The following MGAT4C variants were observed in gnomAD, a reference collection of about 807,000 sequenced individuals.
MGAT4C encodes alpha-1,3-mannosyl-glycoprotein 4-beta-N-acetylglucosaminyltransferase C.
Under a neutral mutation model 40.1 loss-of-function variants are expected in MGAT4C, and 19 were observed. The observed-to-expected ratio is 0.47, with a 90% CI of 0.33 to 0.70. The LOEUF is 0.70. Ranked by LOEUF, MGAT4C falls within the 30% of genes least tolerant of loss-of-function variation. MGAT4C has a pLI of 0.02. For missense variants in MGAT4C, 491 were observed against 563.2 expected (o/e 0.87, Z 1.30); for synonymous variants, 181 against 187.1 (o/e 0.97, Z 0.27).
intron 1 of MGAT4C, among the ~76,000 whole-genome samples, chr12:86,169,429 AT>A (rs1886553302): frequency 6.6e-6 from 1 of 152,152 alleles, no homozygotes; most frequent in Non-Finnish European, 1.5e-5. Flanking sequence ...AGAAATAATC[AT>A]TTATACTCTT....
At chr12:86,044,456 T>C (rs1273972711) in intron 2 of MGAT4C, among the ~76,000 whole-genome samples, 2 of 152,044 alleles carry the variant, frequency 1.3e-5, no homozygotes, top group African/African-American at 4.8e-5. Context: ...GTTTGCTCTG[T>C]GGGCAGTAGT....
At chr12:86,630,113 T>A (rs977770066) in intron 2 of MGAT4C, among the ~76,000 whole-genome samples, 38 of 152,096 alleles carry the variant, frequency 2.5e-4, no homozygotes, top group Admixed American at 3.3e-4. Context: ...CATCAGAGAA[T>A]ACTATAAACA....
At chr12:86,564,178 G>A (rs964731826) in intron 2 of MGAT4C, among the ~76,000 whole-genome samples, 2 of 152,116 alleles carry the variant, frequency 1.3e-5, no homozygotes, top group African/African-American at 4.8e-5. Context: ...GAATGACAGT[G>A]GATTATAGTA....
chr12:86,405,503 C>A (rs2136239855), intron 3 of MGAT4C, among the ~76,000 whole-genome samples: 1 of 152,012 alleles, frequency 6.6e-6, no homozygotes, highest in Non-Finnish European at 1.5e-5. Context: ...AATGAAGGAG[C>A]ACATTGGGTT....
At chr12:86,004,598 A>G (rs2136788248) in intron 2 of MGAT4C, among the ~76,000 whole-genome samples, 1 of 152,270 alleles carries the variant, frequency 6.6e-6, no homozygotes, top group Non-Finnish European at 1.5e-5. Flanking sequence ...TAGACAAGCC[A>G]ATGGGTTCAT....
chr12:86,015,302 G>T (rs1359265038), intron 2 of MGAT4C, among the ~76,000 whole-genome samples: 1 of 151,952 alleles, frequency 6.6e-6, no homozygotes, highest in African/African-American at 2.4e-5. Context: ...CTGGGGCCCA[G>T]TGTGCTGGAA....
chr12:86,283,821 C>G (rs1953280367), intron 4 of MGAT4C, among the ~76,000 whole-genome samples: 2 of 152,110 alleles, frequency 1.3e-5, no homozygotes, highest in East Asian at 1.9e-4. Context: ...TGTTGGAACA[C>G]TGCTTTTCTT....
intron 3 of MGAT4C, among the ~76,000 whole-genome samples, chr12:85,987,168 G>T (rs1357633460): frequency 1.9e-5 from 2 of 104,946 alleles, no homozygotes; most frequent in African/African-American, 7.5e-5. Context: ...ACGGAGTCTC[G>T]CTCTGTCGCC....
At chr12:86,375,276 T>C (rs1592759316) in intron 3 of MGAT4C, among the ~76,000 whole-genome samples, 2 of 152,078 alleles carry the variant, frequency 1.3e-5, no homozygotes, top group South Asian at 2.1e-4. Flanking sequence ...CTGGAAATAA[T>C]AGTAGAGAAA....
In MGAT4C at chr12:85,961,784, AAT is replaced by A. The variant is rs1883125531; in HGVS notation, c.*17503_*17504del. 1 of 151,906 alleles carries A rather than the reference AAT, an allele frequency of 6.6e-6. No homozygotes were observed. Among genetic ancestry groups the A allele is most frequent in the Non-Finnish European group, 1.5e-5 (1 of 67,788 alleles). The allele number at this position is 151,906 out of a possible 1,614,324, so 9.4% of individuals were successfully genotyped here. A position where few individuals can be genotyped will look rare whatever the true frequency, so the allele number is the denominator to read the frequency against. ...TACACACTTTTCATTTATTCTAAAT[AAT>A]AGATTAGCATAGTCAGGAGGCTTGG... On this transcript the variant is annotated 3_prime_UTR_variant, in exon 5 of 5. Transcript: ENST00000611864.
In MGAT4C at chr12:86,455,211, T is replaced by G. The variant is rs567256222; in HGVS notation, c.-228-19946A>C. ...CTGTTCTATTCCAGTATCAAATAAT[T>G]CAGCAATATATGCAGGATTTCCTTC... On this transcript the variant is annotated intron_variant, in intron 2 of 7. Transcript: ENST00000548651. Among the ~76,000 whole-genome samples the G allele has an allele frequency of 5.3e-5, 8 of 152,256 alleles. No individual in the cohort carries two copies. In the East Asian group the frequency reaches 1.5e-3, roughly 29 times the overall value.
At chr12:86,594,575 AGT>A (rs1298710955) in intron 2 of MGAT4C, among the ~76,000 whole-genome samples, 1 of 152,240 alleles carries the variant, frequency 6.6e-6, no homozygotes, top group Non-Finnish European at 1.5e-5. Context: ...TGAGAAGAAC[AGT>A]ACATTCCCAT....
chr12:86,748,331 A>G (rs1045286511), intron 1 of MGAT4C, among the ~76,000 whole-genome samples: 9 of 151,714 alleles, frequency 5.9e-5, no homozygotes, highest in Non-Finnish European at 1.2e-4. Context: ...CCTCTGAATA[A>G]TATCAAGAAT....
intron 1 of MGAT4C, among the ~76,000 whole-genome samples, chr12:86,116,612 T>C (rs1661673158): frequency 6.6e-6 from 1 of 152,118 alleles, no homozygotes; most frequent in South Asian, 2.1e-4. Flanking sequence ...GTAGATCTAA[T>C]CACAGTTTAG....
chr12:86,815,230 C>G (rs1256393424), intron 1 of MGAT4C, among the ~76,000 whole-genome samples: 1 of 151,930 alleles, frequency 6.6e-6, no homozygotes, highest in African/African-American at 2.4e-5. Context: ...AAATTGCCAA[C>G]AAACATATGA....
intron 1 of MGAT4C, among the ~76,000 whole-genome samples, chr12:86,087,943 G>C (rs1872188370): frequency 6.6e-6 from 1 of 151,928 alleles, no homozygotes; most frequent in Non-Finnish European, 1.5e-5. Flanking sequence ...TAAGCAAAAA[G>C]AACAAAGTTG....
At chr12:86,620,114 A>G (rs1297550182) in intron 2 of MGAT4C, among the ~76,000 whole-genome samples, 1 of 152,190 alleles carries the variant, frequency 6.6e-6, no homozygotes, top group Admixed American at 6.5e-5. Flanking sequence ...TGTTAGTGAG[A>G]ATGTAAATTA....
chr12:86,776,258 G>A (rs1322531162), intron 1 of MGAT4C, among the ~76,000 whole-genome samples: 2 of 151,772 alleles, frequency 1.3e-5, no homozygotes, highest in Admixed American at 1.3e-4. Context: ...AGCAGAAATG[G>A]GAATGATAAA....
intron 1 of MGAT4C, among the ~76,000 whole-genome samples, chr12:86,065,645 G>A (rs947049627): frequency 5.3e-5 from 8 of 152,006 alleles, no homozygotes; most frequent in East Asian, 3.9e-4. Context: ...TTTGAAAAAC[G>A]GGAGAAGACA....
Sources: allele counts gnomAD v4.1 joint callset (sites outside exome capture counted in the v4.1 genomes callset), GRCh38; gene constraint gnomAD v4.1.1; transcripts MANE v1.5; gene names NCBI Gene and HGNC (gene_info 2026-07-23, HGNC 2026-07-21).